Variants in KCND2 observed in about 807,000 individuals in gnomAD.
KCND2 encodes potassium voltage-gated channel subfamily D member 2.
Under a neutral mutation model 54.4 loss-of-function variants are expected in KCND2, and 16 were observed. The ratio of observed to expected loss-of-function variants is 0.29; its 90% CI spans 0.20 to 0.45. The LOEUF (loss-of-function observed/expected upper bound fraction) is 0.45, where lower values mean the gene tolerates loss of function less well. Ranked by LOEUF, KCND2 falls within the 20% of genes least tolerant of loss-of-function variation. KCND2 has a pLI of 1.00. For synonymous variants in KCND2, 317 were observed against 310.7 expected, an observed-to-expected ratio of 1.02 and a Z score of -0.21; for missense variants, 486 against 824.2, an observed-to-expected ratio of 0.59 and a Z score of 5.02.
At chr7:120,432,163 C>T (rs1264896079) in intron 1 of KCND2, among the ~76,000 whole-genome samples, 5 of 152,080 alleles carry the variant, frequency 3.3e-5, no homozygotes, top group African/African-American at 7.2e-5. Context: ...TAAATATCAC[C>T]GTTTATTTCA....
intron 1 of KCND2, among the ~76,000 whole-genome samples, chr7:120,521,418 G>T (rs553248678): frequency 3.3e-5 from 5 of 151,894 alleles, no homozygotes; most frequent in African/African-American, 1.2e-4. Flanking sequence ...TTTATTTTGT[G>T]AGCCTAATCA....
intron 1 of KCND2, among the ~76,000 whole-genome samples, chr7:120,286,818 C>A (rs532297391): frequency 6.6e-6 from 1 of 152,020 alleles, no homozygotes; most frequent in Non-Finnish European, 1.5e-5. Context: ...CTTTTTTACT[C>A]TGTGCATTTT....
chr7:120,431,070 G>A (rs966552909), intron 1 of KCND2, among the ~76,000 whole-genome samples: 1 of 152,138 alleles, frequency 6.6e-6, no homozygotes, highest in Non-Finnish European at 1.5e-5. Context: ...AACATCTGCA[G>A]CTTTAAAACA....
At chr7:120,692,735 G>T (rs1472973569) in intron 1 of KCND2, among the ~76,000 whole-genome samples, 4 of 152,240 alleles carry the variant, frequency 2.6e-5, no homozygotes, top group Non-Finnish European at 4.4e-5. Context: ...GGGACTTTGA[G>T]TTCTCTATTC....
intron 1 of KCND2, among the ~76,000 whole-genome samples, chr7:120,491,924 A>G (rs1802788930): frequency 6.6e-6 from 1 of 152,138 alleles, no homozygotes; most frequent in Non-Finnish European, 1.5e-5. Context: ...AACATTTTTA[A>G]TTTAAATCTT....
At chr7:120,612,114 G>T (rs971045265) in intron 1 of KCND2, among the ~76,000 whole-genome samples, 4 of 145,756 alleles carry the variant, frequency 2.7e-5, no homozygotes, top group Non-Finnish European at 6.2e-5. Context: ...TGACTTTTGT[G>T]AATTGCTTAC....
At chr7:120,467,401 C>G (rs1198002254) in intron 1 of KCND2, among the ~76,000 whole-genome samples, 2 of 152,060 alleles carry the variant, frequency 1.3e-5, no homozygotes, top group Admixed American at 6.6e-5. Context: ...GGTATTCACT[C>G]CATTTTATTT....
chr7:120,561,714 C>T (rs1408672456), intron 1 of KCND2, among the ~76,000 whole-genome samples: 4 of 142,096 alleles, frequency 2.8e-5, no homozygotes. Context: ...CAGGTACAAG[C>T]GATTCTGCTG....
At chr7:120,560,771 T>A (rs918619771) in intron 1 of KCND2, among the ~76,000 whole-genome samples, 2 of 152,186 alleles carry the variant, frequency 1.3e-5, no homozygotes, top group Non-Finnish European at 2.9e-5. Context: ...TCTCAGTGTC[T>A]CACATTTTAA....
chr7:120,550,704 A>G (rs545998924), intron 1 of KCND2, among the ~76,000 whole-genome samples: 177 of 152,288 alleles, frequency 1.2e-3, no homozygotes, highest in African/African-American at 4.0e-3. Flanking sequence ...ACATGCCTTC[A>G]TAGCTCCCTG....
chr7:120,380,175 G>A (rs1800896026), intron 1 of KCND2, among the ~76,000 whole-genome samples: 1 of 152,062 alleles, frequency 6.6e-6, no homozygotes, highest in South Asian at 2.1e-4. Flanking sequence ...AGAGAACACT[G>A]ATACCCATAC....
intron 1 of KCND2, among the ~76,000 whole-genome samples, chr7:120,285,271 C>G (rs1444616265): frequency 2.0e-5 from 3 of 151,928 alleles, no homozygotes; most frequent in Non-Finnish European, 2.9e-5. Context: ...ATATCATAGC[C>G]AATAATATGG....
chr7:120,461,083 A>C (rs1424806968), intron 1 of KCND2, among the ~76,000 whole-genome samples: 1 of 152,124 alleles, frequency 6.6e-6, no homozygotes, highest in East Asian at 1.9e-4. Flanking sequence ...CAAAATTCAC[A>C]AGACAATGTG....
intron 1 of KCND2, among the ~76,000 whole-genome samples, chr7:120,513,754 T>A (rs534473512): frequency 6.9e-4 from 105 of 152,242 alleles, no homozygotes; most frequent in Non-Finnish European, 1.3e-3. Context: ...CATGTAAGTA[T>A]AACAGAATGT....
intron 1 of KCND2, among the ~76,000 whole-genome samples, chr7:120,671,295 G>A (rs937460765): frequency 2.0e-5 from 3 of 151,902 alleles, no homozygotes; most frequent in Admixed American, 6.6e-5. Context: ...GTTCACAATT[G>A]GGTTTGCCAT....
intron 1 of KCND2, among the ~76,000 whole-genome samples, chr7:120,704,788 C>T (rs1397508757): frequency 2.0e-5 from 3 of 152,120 alleles, no homozygotes; most frequent in African/African-American, 4.8e-5. Context: ...GTGTAAATTA[C>T]TCCATTTATC....
At chr7:120,455,752 A>G (rs1487228130) in intron 1 of KCND2, among the ~76,000 whole-genome samples, 1 of 152,292 alleles carries the variant, frequency 6.6e-6, no homozygotes, top group Non-Finnish European at 1.5e-5. Flanking sequence ...CAAATACTTC[A>G]TGTTCTCACT....
chr7:120,358,977 C>A (rs1268841474), intron 1 of KCND2, among the ~76,000 whole-genome samples: 5 of 152,172 alleles, frequency 3.3e-5, no homozygotes, highest in Admixed American at 3.3e-4. Flanking sequence ...AGAAGCTGTT[C>A]TGTGGCATAG....
chr7:120,395,438 T>C (rs1262122454), intron 1 of KCND2, among the ~76,000 whole-genome samples: 2 of 152,130 alleles, frequency 1.3e-5, no homozygotes, highest in African/African-American at 4.8e-5. Context: ...CAGTTTTCCT[T>C]CTCTTACTAC....
Sources: allele counts gnomAD v4.1 joint callset (sites outside exome capture counted in the v4.1 genomes callset), GRCh38; gene constraint gnomAD v4.1.1; transcripts MANE v1.5; gene names NCBI Gene and HGNC (gene_info 2026-07-23, HGNC 2026-07-21).